MEIG1: variants seen among roughly 807,000 people sequenced by gnomAD.
MEIG1 encodes meiosis/spermiogenesis associated 1.
Under a neutral mutation model 11.3 loss-of-function variants are expected in MEIG1, and 12 were observed. That is an observed-to-expected ratio of 1.07 (90% CI 0.68 to 1.73). The LOEUF (loss-of-function observed/expected upper bound fraction) is 1.73. Ranked by LOEUF, MEIG1 falls within the 40% of genes most tolerant of loss-of-function variation. The pLI, the probability that MEIG1 is intolerant of heterozygous loss-of-function variation, is 0.00. For missense variants in MEIG1, 119 were observed against 104.9 expected, an observed-to-expected ratio of 1.13 and a Z score of -0.59; for synonymous variants, 41 against 33.2, an observed-to-expected ratio of 1.24 and a Z score of -0.81.
At chr10:14,963,159 C>T (rs1273159872) in intron 1 of MEIG1, among the ~76,000 whole-genome samples, 1 of 151,730 alleles carries the variant, frequency 6.6e-6, no homozygotes, top group Non-Finnish European at 1.5e-5. Flanking sequence ...TGCAATGGCA[C>T]GATCTTGGCT....
downstream of MEIG1, among the ~76,000 whole-genome samples, chr10:14,976,121 A>T (rs1180021956): frequency 6.6e-6 from 1 of 151,888 alleles, no homozygotes; most frequent in East Asian, 1.9e-4. Context: ...CGTAATACCC[A>T]GGTGGGGAGA....
intron 2 of MEIG1, among the ~76,000 whole-genome samples, chr10:14,971,351 T>A (rs537641728): frequency 7.6e-6 from 1 of 131,598 alleles, no homozygotes; most frequent in African/African-American, 3.0e-5. Context: ...GGCAACATAG[T>A]GAGACCCTGT....
intron 1 of MEIG1, among the ~76,000 whole-genome samples, chr10:14,980,015 G>A (rs961615338): frequency 5.3e-5 from 8 of 151,966 alleles, no homozygotes; most frequent in African/African-American, 1.9e-4. Flanking sequence ...AATATTCTAG[G>A]GGGATGTTAC....
At chr10:14,985,907 G>A (rs150195365) in intron 1 of MEIG1, among the ~76,000 whole-genome samples, 7 of 152,008 alleles carry the variant, frequency 4.6e-5, no homozygotes, top group African/African-American at 1.2e-4. Context: ...CGTGTACCCC[G>A]GGTGTGTACA....
downstream of MEIG1, among the ~76,000 whole-genome samples, chr10:14,974,809 T>C (rs1303927177): frequency 6.6e-6 from 1 of 152,052 alleles, no homozygotes; most frequent in East Asian, 1.9e-4. Context: ...TATTAGCTCT[T>C]AATAATTAAT....
chr10:14,955,995 CG>C (rs1842941636), upstream of MEIG1, among the ~76,000 whole-genome samples: 1 of 152,162 alleles, frequency 6.6e-6, no homozygotes, highest in African/African-American at 2.4e-5. Context: ...AAGAATCTCA[CG>C]GTAGAGCTCC....
intron 1 of MEIG1, among the ~76,000 whole-genome samples, chr10:14,978,343 G>A (rs1185884741): frequency 6.6e-6 from 1 of 151,908 alleles, no homozygotes; most frequent in Non-Finnish European, 1.5e-5. Context: ...CTTGGAAAAT[G>A]GGACTGCTAA....
chr10:14,969,554 G>A (rs1002837067), intron 2 of MEIG1, among the ~76,000 whole-genome samples: 10 of 152,196 alleles, frequency 6.6e-5, no homozygotes, highest in African/African-American at 2.4e-4. Context: ...AATTTGTTGG[G>A]CTGGGCACAG....
At chr10:14,966,719 TTTTA>T (rs1843088975) in intron 2 of MEIG1, 113 bp downstream of exon 2, 1 of 966,242 alleles carries the variant, frequency 1.0e-6, no homozygotes. Flanking sequence ...AACTCTCTCA[TTTTA>T]TTTGTTTTCT....
intron 2 of MEIG1, among the ~76,000 whole-genome samples, chr10:14,969,447 C>CAAAA (rs60562557): frequency 8.7e-6 from 1 of 115,158 alleles, no homozygotes. Context: ...GACCCTGTCT[C>CAAAA]AAAAAAAAAA....
chr10:14,973,523 A>C (rs149776688), downstream of MEIG1, among the ~76,000 whole-genome samples: 1,449 of 152,240 alleles, frequency 9.5e-3, 8 homozygotes, highest in Middle Eastern at 0.045. Context: ...AAATCCTAGC[A>C]CTTTGGGAGG....
intron 1 of MEIG1, among the ~76,000 whole-genome samples, chr10:14,983,802 A>C (rs1291041720): frequency 6.6e-6 from 1 of 151,978 alleles, no homozygotes; most frequent in Non-Finnish European, 1.5e-5. Context: ...TAATATTCCA[A>C]GGGGGAGAGG....
downstream of MEIG1, among the ~76,000 whole-genome samples, chr10:14,977,610 T>A (rs549908846): frequency 7.2e-5 from 11 of 151,758 alleles, no homozygotes; most frequent in African/African-American, 2.4e-4. Flanking sequence ...CACTGGGATA[T>A]TATTTGTAAT....
chr10:14,975,503 T>A (rs1843200289), downstream of MEIG1, among the ~76,000 whole-genome samples: 1 of 152,080 alleles, frequency 6.6e-6, no homozygotes, highest in Non-Finnish European at 1.5e-5. Context: ...TACAAACCCG[T>A]GTACTATTGT....
chr10:14,975,630 T>C (rs1843201709), downstream of MEIG1, among the ~76,000 whole-genome samples: 1 of 152,026 alleles, frequency 6.6e-6, no homozygotes, highest in Non-Finnish European at 1.5e-5. Flanking sequence ...TTCTTCTTAA[T>C]AACGCAGGGT....
upstream of MEIG1, among the ~76,000 whole-genome samples, chr10:14,957,995 C>A (rs1384680795): frequency 1.3e-5 from 2 of 152,104 alleles, no homozygotes; most frequent in African/African-American, 4.8e-5. Context: ...TGACAACAGA[C>A]TACAGAGGGG....
At chr10:14,986,178 AGCTGGGCGT>A (rs1356486684) in intron 1 of MEIG1, among the ~76,000 whole-genome samples, 2 of 152,180 alleles carry the variant, frequency 1.3e-5, no homozygotes, top group Non-Finnish European at 2.9e-5. Flanking sequence ...ATACAACATT[AGCTGGGCGT>A]GCTGGCGCAT....
downstream of MEIG1, among the ~76,000 whole-genome samples, chr10:14,975,938 G>A (rs536068263): frequency 2.0e-5 from 3 of 152,150 alleles, no homozygotes; most frequent in East Asian, 5.8e-4. Flanking sequence ...AAATAGTACA[G>A]AGGATGTGCA....
At chr10:14,969,663 T>C (rs998840477) in intron 2 of MEIG1, among the ~76,000 whole-genome samples, 1 of 151,954 alleles carries the variant, frequency 6.6e-6, no homozygotes, top group Non-Finnish European at 1.5e-5. Flanking sequence ...GGTGAAACCC[T>C]GTCTCTACTA....
Sources: allele counts gnomAD v4.1 joint callset (sites outside exome capture counted in the v4.1 genomes callset), GRCh38; gene constraint gnomAD v4.1.1; transcripts MANE v1.5; gene names NCBI Gene and HGNC (gene_info 2026-07-23, HGNC 2026-07-21).